DRAM2: variants seen among roughly 807,000 people sequenced by gnomAD.
DRAM2 encodes the protein DNA damage-regulated autophagy modulator protein 2.
DRAM2 carries 26 observed loss-of-function variants against 33.5 expected under a neutral mutation model. That is an observed-to-expected ratio of 0.78 (90% CI 0.57 to 1.08). The LOEUF is 1.08. Among genes scored for constraint, DRAM2 ranks in the 50% least tolerant of loss-of-function variants. DRAM2 has a pLI of 0.00. For missense variants in DRAM2, 311 were observed against 318.1 expected (o/e 0.98, Z 0.17); for synonymous variants, 98 against 109.5 (o/e 0.89, Z 0.66).
rs752609481 is a variant in DRAM2, at chr1:111,119,965, A to C, written c.518-6T>G. Reference sequence around the variant, plus strand: ...AACTGATGAGCAAGTCAGCACTATAAAAACATAAGTCAAGGAAGAATCTCA... The same window carrying C: ...AACTGATGAGCAAGTCAGCACTATACAAACATAAGTCAAGGAAGAATCTCA... On this transcript the variant is annotated splice_region_variant and splice_polypyrimidine_tract_variant and intron_variant, in intron 7 of 9. Coordinates refer to ENST00000484310, the MANE Select transcript of DRAM2 (RefSeq NM_001349884.2). 17 of 1,611,298 alleles carry C rather than the reference A, an allele frequency of 1.1e-5. No individual in the cohort carries two copies. Among genetic ancestry groups the C allele is most frequent in the Non-Finnish European group, 1.2e-5 (14 of 1,177,964 alleles).
At chr1:111,134,474 TA>T (rs1652745630) in intron 3 of DRAM2, among the ~76,000 whole-genome samples, 1 of 152,294 alleles carries the variant, frequency 6.6e-6, no homozygotes, top group Admixed American at 6.5e-5. Context: ...TTGCATTTCA[TA>T]ATCTTCTCTT....
chr1:111,125,554 A>T (rs588885), intron 5 of DRAM2: 37,840 of 152,186 alleles, frequency 0.25, 5,840 homozygotes, highest in African/African-American at 0.42. Context: ...GTAGAAAGCA[A>T]TACAAGAGAT....
chr1:111,133,515 T>C (rs989986072), intron 3 of DRAM2, among the ~76,000 whole-genome samples: 2 of 152,212 alleles, frequency 1.3e-5, no homozygotes, highest in Non-Finnish European at 2.9e-5. Context: ...CTCTGGGCCA[T>C]GCTTGGTTCT....
intron 3 of DRAM2, among the ~76,000 whole-genome samples, chr1:111,132,924 C>T (rs991566908): frequency 2.6e-5 from 4 of 152,004 alleles, no homozygotes; most frequent in African/African-American, 9.7e-5. Context: ...AAGAAATCCT[C>T]CCACTTCAGC....
chr1:111,136,018 G>A (rs966042938), intron 3 of DRAM2, among the ~76,000 whole-genome samples: 5 of 152,126 alleles, frequency 3.3e-5, no homozygotes, highest in Non-Finnish European at 7.3e-5. Context: ...CTCACATGCT[G>A]TCACCAAGTG....
At chr1:111,128,800 A>G (rs1463697284) in intron 4 of DRAM2, among the ~76,000 whole-genome samples, 9 of 152,164 alleles carry the variant, frequency 5.9e-5, no homozygotes, top group Admixed American at 5.9e-4. Flanking sequence ...GGAACCCATG[A>G]ATATAGGGGG....
intron 3 of DRAM2, among the ~76,000 whole-genome samples, chr1:111,132,463 T>C (rs573376170): frequency 1.1e-4 from 16 of 152,190 alleles, no homozygotes; most frequent in East Asian, 1.9e-4. Flanking sequence ...CAGCTGGTGA[T>C]TGGTGTCAGA....
rs753997842 is a variant in DRAM2, at chr1:111,117,376, C to A, written c.*784G>T. ...AATCATATCTGCTGTTATTCCCAAA[C>A]TTCTCAATGTTACATGAATACTAAC... On this transcript the variant is annotated 3_prime_UTR_variant, in exon 10 of 10. Coordinates refer to ENST00000484310, the MANE Select transcript of DRAM2 (RefSeq NM_001349884.2). 2.0e-5 allele frequency: 3 copies of A among 152,048 alleles called. No homozygotes were observed. Among genetic ancestry groups the A allele is most frequent in the Non-Finnish European group, 4.4e-5 (3 of 67,946 alleles). The allele number at this position is 152,048 out of a possible 1,614,324, so 9.4% of individuals were successfully genotyped here. A position where few individuals can be genotyped will look rare whatever the true frequency, so the allele number is the denominator to read the frequency against.
chr1:111,118,745 ACCTTCCTG>A, intron 9 of DRAM2, 52 bp downstream of exon 9: 2 of 1,327,736 alleles, frequency 1.5e-6, no homozygotes, highest in Non-Finnish European at 2.1e-6. Flanking sequence ...CTCTTAGTCT[ACCTTCCTG>A]GACTAAGAGA....
intron 2 of DRAM2, among the ~76,000 whole-genome samples, chr1:111,138,687 G>A (rs1557908524): frequency 6.6e-6 from 1 of 152,190 alleles, no homozygotes; most frequent in Non-Finnish European, 1.5e-5. Context: ...AGGAGACTGA[G>A]GCAGGAGAAT....
chr1:111,138,086 A>G (rs956894113), intron 2 of DRAM2, among the ~76,000 whole-genome samples: 3 of 152,238 alleles, frequency 2.0e-5, no homozygotes, highest in Non-Finnish European at 2.9e-5. Flanking sequence ...AGTGGAGTAG[A>G]ATAAGCATAC....
At chr1:111,123,119 T>G (rs1650342775) in intron 6 of DRAM2, among the ~76,000 whole-genome samples, 1 of 152,162 alleles carries the variant, frequency 6.6e-6, no homozygotes, top group African/African-American at 2.4e-5. Flanking sequence ...CTCCAAAACA[T>G]TTTTTAATAA....
intron 4 of DRAM2, 70 bp from the exon 5 acceptor site, chr1:111,126,364 A>C: frequency 1.1e-6 from 1 of 892,612 alleles, no homozygotes; most frequent in South Asian, 1.5e-5. Flanking sequence ...TCTAAGGGAT[A>C]AGAATATCAG....
At chr1:111,138,285 G>C (rs1226146138) in intron 2 of DRAM2, among the ~76,000 whole-genome samples, 1 of 152,186 alleles carries the variant, frequency 6.6e-6, no homozygotes, top group African/African-American at 2.4e-5. Context: ...ACCAGTTTGC[G>C]AATGACAACT....
At position 111,119,979 on chromosome 1, in the gene DRAM2, G is replaced by T; in HGVS notation, c.518-20C>A. 1 of 1,601,558 alleles carries T rather than the reference G, an allele frequency of 6.2e-7. No individual in the cohort carries two copies. The highest frequency in any genetic ancestry group is 8.5e-7 in the Non-Finnish European group (1 of 1,170,134). On this transcript the variant is annotated intron_variant, in intron 7 of 9. Coordinates refer to ENST00000484310, the MANE Select transcript of DRAM2 (RefSeq NM_001349884.2). ...TCAGCACTATAAAAACATAAGTCAA[G>T]GAAGAATCTCAGAGACGATCTCAGA... is the stretch of plus-strand genomic sequence containing the variant.
At chr1:111,124,465 G>A (rs75425364) in intron 6 of DRAM2, among the ~76,000 whole-genome samples, 71 of 152,304 alleles carry the variant, frequency 4.7e-4, no homozygotes, top group Non-Finnish European at 8.4e-4. Context: ...GTGAGTTGAA[G>A]TAATCTCCAA....
At chr1:111,122,973 G>T (rs1650320657) in intron 6 of DRAM2, among the ~76,000 whole-genome samples, 1 of 152,148 alleles carries the variant, frequency 6.6e-6, no homozygotes, top group East Asian at 1.9e-4. Flanking sequence ...GCTTGTGTGG[G>T]TGCTATCAAG....
At chr1:111,118,401 G>C in intron 9 of DRAM2, 134 bp from the exon 10 acceptor site, 1 of 625,672 alleles carries the variant, frequency 1.6e-6, no homozygotes, top group East Asian at 2.8e-5. Flanking sequence ...CTGTTTTACT[G>C]TCAAAGGTAT....
At chr1:111,136,044 C>T (rs1459073891) in intron 3 of DRAM2, among the ~76,000 whole-genome samples, 1 of 152,212 alleles carries the variant, frequency 6.6e-6, no homozygotes, top group Admixed American at 6.5e-5. Flanking sequence ...AATTCTATTT[C>T]TACAAGTCAT....
Sources: gnomAD v4.1 joint callset for allele counts (sites outside exome capture counted in the v4.1 genomes callset) on GRCh38, gnomAD v4.1.1 for gene constraint, MANE v1.5 for transcripts, NCBI Gene and HGNC (gene_info 2026-07-23, HGNC 2026-07-21) for gene names.